Variants in DSCAM observed in about 807,000 individuals in gnomAD.
DSCAM encodes the protein cell adhesion molecule DSCAM.
DSCAM carries 47 observed loss-of-function variants against 217.7 expected under a neutral mutation model. The observed-to-expected ratio is 0.22, with a 90% CI of 0.17 to 0.28. The LOEUF is 0.28. DSCAM is among the 10% of genes least tolerant of loss of function. The probability of loss-of-function intolerance (pLI) is 1.00; values close to 1 mark genes in which losing one functional copy is unlikely to be tolerated. For synonymous variants in DSCAM, 1,056 were observed against 1,015.3 expected, an observed-to-expected ratio of 1.04 and a Z score of -0.76; for missense variants, 2,080 against 2,618.3, an observed-to-expected ratio of 0.79 and a Z score of 4.49.
At chr21:40,416,140 G>A (rs1464804092) in intron 3 of DSCAM, among the ~76,000 whole-genome samples, 1 of 152,000 alleles carries the variant, frequency 6.6e-6, no homozygotes, top group Non-Finnish European at 1.5e-5. Flanking sequence ...CCTTTTTCTG[G>A]ATTGGACACA....
intron 11 of DSCAM, among the ~76,000 whole-genome samples, chr21:40,223,442 A>G (rs2146907997): frequency 6.6e-6 from 1 of 152,358 alleles, no homozygotes; most frequent in East Asian, 1.9e-4. Flanking sequence ...GCAGCATGAC[A>G]TATGGGCTTC....
chr21:40,531,627 C>T (rs1010796981), intron 3 of DSCAM, among the ~76,000 whole-genome samples: 1 of 152,236 alleles, frequency 6.6e-6, no homozygotes, highest in African/African-American at 2.4e-5. Flanking sequence ...GAGCTCTCAG[C>T]TCAGCCTTAA....
chr21:40,250,242 G>A (rs985220469), intron 11 of DSCAM, among the ~76,000 whole-genome samples: 1 of 152,126 alleles, frequency 6.6e-6, no homozygotes, highest in Non-Finnish European at 1.5e-5. Context: ...CACTCTTCAT[G>A]TGGTCTGCGA....
intron 32 of DSCAM, 98 bp downstream of exon 32, chr21:40,042,273 T>G (rs1194512270): frequency 7.6e-7 from 1 of 1,308,914 alleles, no homozygotes; most frequent in Non-Finnish European, 1.1e-6. Context: ...AGCACCCATT[T>G]GGTCTGAACA....
At chr21:40,675,833 T>G (rs887493046) in intron 3 of DSCAM, among the ~76,000 whole-genome samples, 1 of 152,226 alleles carries the variant, frequency 6.6e-6, no homozygotes, top group African/African-American at 2.4e-5. Flanking sequence ...TGCCGCCTCC[T>G]CAATTTAACT....
intron 4 of DSCAM, 108 bp downstream of exon 4, chr21:40,368,991 T>C: frequency 7.8e-7 from 1 of 1,276,274 alleles, no homozygotes; most frequent in Non-Finnish European, 1.0e-6. Flanking sequence ...GGAAAAGGAA[T>C]TGAAGGCTCC....
intron 3 of DSCAM, among the ~76,000 whole-genome samples, chr21:40,671,032 A>G (rs2090267346): frequency 6.6e-6 from 1 of 152,236 alleles, no homozygotes. Context: ...AAAAGAACTT[A>G]AAAATACTAC....
intron 11 of DSCAM, 88 bp from the exon 12 acceptor site, chr21:40,189,326 G>C: frequency 9.6e-7 from 1 of 1,042,656 alleles, no homozygotes; most frequent in Non-Finnish European, 1.3e-6. Flanking sequence ...CATGCTTCAA[G>C]AGATATTTCT....
chr21:40,124,137 C>A, intron 20 of DSCAM, 58 bp downstream of exon 20: 7 of 1,608,784 alleles, frequency 4.4e-6, no homozygotes, highest in Non-Finnish European at 6.0e-6. Context: ...CCAGTGCGAG[C>A]ACCTGCAGCT....
At chr21:40,764,311 AGAT>A (rs1386616668) in intron 1 of DSCAM, among the ~76,000 whole-genome samples, 2 of 146,172 alleles carry the variant, frequency 1.4e-5, no homozygotes. Context: ...TCTCAAAAGA[AGAT>A]ATTTATGCCG....
At chr21:40,423,807 A>C (rs75513599) in intron 3 of DSCAM, among the ~76,000 whole-genome samples, 7,085 of 152,242 alleles carry the variant, frequency 0.047, 323 homozygotes, top group African/African-American at 0.12. Flanking sequence ...TGATGTAACA[A>C]AATTAATTAT....
rs536171154 is a variant in DSCAM, at chr21:40,011,801, T to G, written c.*1233A>C. 6.6e-6 allele frequency: 1 copy of G among 152,316 alleles called. No individual in the cohort carries two copies. The highest frequency in any genetic ancestry group is 1.9e-4 in the East Asian group (1 of 5,178). The allele number at this position is 152,316 out of a possible 1,614,324, so 9.4% of individuals were successfully genotyped here. A position where few individuals can be genotyped will look rare whatever the true frequency, so the allele number is the denominator to read the frequency against. ...AGGCAATGTTTATTAAGATGGTCTA[T>G]CACAAATTTGCATACCAGGCATAGT... On this transcript the variant is annotated 3_prime_UTR_variant, in exon 33 of 33. Coordinates refer to ENST00000400454, the MANE Select transcript of DSCAM (RefSeq NM_001389.5).
intron 11 of DSCAM, among the ~76,000 whole-genome samples, chr21:40,218,681 T>A (rs1279700036): frequency 6.6e-6 from 1 of 152,190 alleles, no homozygotes; most frequent in African/African-American, 2.4e-5. Context: ...TAGTGTTCTG[T>A]AATTCTTGTT....
rs150218568 is a variant in DSCAM, at chr21:40,560,036, G to A, written c.508+132774C>T. ...TCTCGATCTCCTGACCTCGTGATCC[G>A]CCCGCCTTGGCCTCCCAAAGTGCTG... On this transcript the variant is annotated intron_variant, in intron 3 of 32. Transcript: ENST00000400454. 8.3e-3 allele frequency among the ~76,000 whole-genome samples: 1,258 copies of A among 152,050 alleles called. 16 individuals carry two copies. The highest frequency in any genetic ancestry group is 0.075 in the East Asian group (384 of 5,138).
chr21:40,164,178 G>A (rs1435684577), intron 16 of DSCAM, among the ~76,000 whole-genome samples: 2 of 152,162 alleles, frequency 1.3e-5, no homozygotes, highest in African/African-American at 4.8e-5. Flanking sequence ...AGAGCAATGG[G>A]TAACATAGAG....
intron 32 of DSCAM, among the ~76,000 whole-genome samples, chr21:40,014,555 C>T (rs905646750): frequency 6.6e-6 from 1 of 152,168 alleles, no homozygotes; most frequent in South Asian, 2.1e-4. Context: ...CAGGATCTCC[C>T]TAACAGGCAT....
At chr21:40,245,209 G>A (rs1298875594) in intron 11 of DSCAM, among the ~76,000 whole-genome samples, 2 of 152,206 alleles carry the variant, frequency 1.3e-5, no homozygotes, top group African/African-American at 4.8e-5. Context: ...CACATGATGG[G>A]TGATTAAGGT....
At chr21:40,407,006 G>A (rs964924669) in intron 3 of DSCAM, among the ~76,000 whole-genome samples, 3 of 152,106 alleles carry the variant, frequency 2.0e-5, no homozygotes, top group Non-Finnish European at 4.4e-5. Context: ...GGATTGGAGA[G>A]ATACGAGCTA....
rs1387527747 is a variant in DSCAM, at chr21:40,078,793, C to G, written c.4605G>C (p.Leu1535=). Reference sequence around the variant, plus strand: ...ACCAGGTGGCTTCCTGCAGGTCATACAGGATGTAGGACTTGGAGAGAGAGG... The same window carrying G: ...ACCAGGTGGCTTCCTGCAGGTCATAGAGGATGTAGGACTTGGAGAGAGAGG... ...QRTSLSKSYI[L]YDLQEATWYE... is the part of the protein sequence containing the mutation. Residue 1535 remains leucine (L), a synonymous_variant, in exon 26 of 33, where the codon CTG becomes CTC. Transcript: ENST00000400454. 1 of 1,614,252 alleles carries G rather than the reference C, an allele frequency of 6.2e-7. No homozygotes were observed. Among genetic ancestry groups the G allele is most frequent in the Non-Finnish European group, 8.5e-7 (1 of 1,180,052 alleles).
Sources: allele counts gnomAD v4.1 joint callset (sites outside exome capture counted in the v4.1 genomes callset), GRCh38; gene constraint gnomAD v4.1.1; transcripts MANE v1.5; gene names NCBI Gene and HGNC (gene_info 2026-07-23, HGNC 2026-07-21).